Variants in VIRMA observed in about 807,000 individuals in gnomAD.
VIRMA encodes vir like m6A methyltransferase associated.
VIRMA carries 65 observed loss-of-function variants against 182.4 expected under a neutral mutation model. That is an observed-to-expected ratio of 0.36 (90% CI 0.29 to 0.44). The LOEUF is 0.44. VIRMA is among the 20% of genes least tolerant of loss of function. The pLI is 1.00. For synonymous variants in VIRMA, 709 were observed against 743.1 expected (o/e 0.95, Z 0.75); for missense variants, 1,752 against 2,158.1 (o/e 0.81, Z 3.73).
rs530885917 is a variant in VIRMA, at chr8:94,492,885, A to T, written c.4642-67T>A. 102 of 1,235,326 alleles carry T rather than the reference A, an allele frequency of 8.3e-5. No homozygotes were observed. The Admixed American group carries it at 2.2e-3, about 26-fold the overall frequency. 76.5% of individuals were successfully genotyped at this position (1,235,326 alleles called of 1,614,324 possible). ...TTATTAGCATAACATTTGACTACAG[A>T]AATTCTTATTACCTATAAATTATAT... On this transcript the variant is annotated intron_variant, in intron 20 of 23. Coordinates refer to ENST00000297591, the MANE Select transcript of VIRMA (RefSeq NM_015496.5).
In VIRMA at chr8:94,529,358, T is replaced by G; in HGVS notation, c.608-16A>C. ...TCACCAGACACTGAAAAATTGAGAT[T>G]TAAGGCACAGACTATTTTAATGGTT... On this transcript the variant is annotated splice_polypyrimidine_tract_variant and intron_variant, in intron 6 of 23. Coordinates refer to ENST00000297591, the MANE Select transcript of VIRMA (RefSeq NM_015496.5). 1 of 1,454,038 alleles carries G rather than the reference T, an allele frequency of 6.9e-7. No individual in the cohort carries two copies. Among genetic ancestry groups the G allele is most frequent in the Non-Finnish European group, 9.7e-7 (1 of 1,035,894 alleles). The allele number at this position is 1,454,038 out of a possible 1,614,324, so 90.1% of individuals were successfully genotyped here.
At position 94,517,835 on chromosome 8, in the gene VIRMA, G is replaced by T. The variant is rs765664167; in HGVS notation, c.2621C>A (p.Ser874Tyr). 20 of 1,612,434 alleles carry T rather than the reference G, an allele frequency of 1.2e-5. 1 individual carries two copies. In the South Asian group the frequency reaches 2.2e-4, roughly 18 times the overall value. The change falls in exon 10 of 24, where the codon TCT becomes TAT. Residue 874 changes from serine to tyrosine, a missense_variant. Physicochemically the swap from Ser to Tyr is moderately radical, Grantham distance 144. Coordinates refer to ENST00000297591, the MANE Select transcript of VIRMA (RefSeq NM_015496.5). Reference protein sequence around the residue: ...DVQMLEQHAASLLKLCKADEN... With the variant: ...DVQMLEQHAAYLLKLCKADEN... ...ATCTGCTTTACAAAGCTTCAAGAGAGATGCTGCATGTTGTTCTAGCATTTG... is the reference window on the plus strand; with the variant it reads ...ATCTGCTTTACAAAGCTTCAAGAGATATGCTGCATGTTGTTCTAGCATTTG...
intron 7 of VIRMA, among the ~76,000 whole-genome samples, chr8:94,528,350 T>TA (rs10956918): frequency 0.58 from 87,443 of 151,284 alleles, 25,604 homozygotes; most frequent in East Asian, 0.81. Context: ...TGGGGAAAGT[T>TA]AAAAAAAAAT....
intron 16 of VIRMA, among the ~76,000 whole-genome samples, chr8:94,505,683 T>C (rs1476868130): frequency 6.6e-6 from 1 of 151,980 alleles, no homozygotes; most frequent in African/African-American, 2.4e-5. Context: ...TAAGTCTCCC[T>C]ATGTTGCCCA....
chr8:94,496,496 A>T lies in VIRMA; in HGVS notation c.4231-16T>A, dbSNP rs374750145. 6.3e-7 allele frequency: 1 copy of T among 1,597,026 alleles called. No individual in the cohort carries two copies. Among genetic ancestry groups the T allele is most frequent in the Non-Finnish European group, 8.5e-7 (1 of 1,173,134 alleles). On this transcript the variant is annotated splice_polypyrimidine_tract_variant and intron_variant, in intron 17 of 23. Transcript: ENST00000297591. ...CACAGCATCCCTGTAAATGTCACAC[A>T]TAAGTTAAATTTGAGAACAGAGAAA... is the stretch of plus-strand genomic sequence containing the variant.
intron 16 of VIRMA, among the ~76,000 whole-genome samples, chr8:94,504,506 TAG>T (rs1563459840): frequency 6.6e-6 from 1 of 152,184 alleles, no homozygotes; most frequent in Non-Finnish European, 1.5e-5. Flanking sequence ...CAGATCATTA[TAG>T]AGAGTTTGGA....
intron 23 of VIRMA, among the ~76,000 whole-genome samples, 157 bp from the exon 24 acceptor site, chr8:94,489,017 T>C (rs1280468296): frequency 6.6e-6 from 1 of 152,270 alleles, no homozygotes; most frequent in Non-Finnish European, 1.5e-5. Flanking sequence ...TTTTGAATTA[T>C]ACATTTTAAA....
chr8:94,542,911 C>T (rs1037152391), intron 2 of VIRMA, among the ~76,000 whole-genome samples: 1 of 152,016 alleles, frequency 6.6e-6, no homozygotes, highest in African/African-American at 2.4e-5. Context: ...GCTAGTTTAA[C>T]TCTTTTTCTT....
At chr8:94,539,912 G>T (rs1009893392) in intron 2 of VIRMA, among the ~76,000 whole-genome samples, 2 of 152,116 alleles carry the variant, frequency 1.3e-5, no homozygotes, top group African/African-American at 4.8e-5. Context: ...GGGCTCTCTG[G>T]CTCTTGCTTT....
At chr8:94,518,925 C>T (rs1196880381) in intron 9 of VIRMA, 60 bp downstream of exon 9, 8 of 1,411,868 alleles carry the variant, frequency 5.7e-6, no homozygotes, top group South Asian at 1.4e-5. Flanking sequence ...AGAAACTAGA[C>T]CATTAGTTAA....
chr8:94,502,775 A>AATT (rs1814036525), intron 16 of VIRMA, among the ~76,000 whole-genome samples: 1 of 152,036 alleles, frequency 6.6e-6, no homozygotes, highest in Non-Finnish European at 1.5e-5. Context: ...TACTTAAAAA[A>AATT]TTTTTTTTTA....
intron 4 of VIRMA, among the ~76,000 whole-genome samples, chr8:94,535,359 T>C (rs962475554): frequency 2.0e-5 from 3 of 152,158 alleles, no homozygotes; most frequent in African/African-American, 7.2e-5. Context: ...ACAGGGGTCG[T>C]AGAAGGGACC....
intron 4 of VIRMA, among the ~76,000 whole-genome samples, chr8:94,536,046 C>T (rs895954298): frequency 6.6e-6 from 1 of 152,184 alleles, no homozygotes; most frequent in Admixed American, 6.5e-5. Context: ...AAACCAAAGG[C>T]CCTGACTTCT....
chr8:94,495,643 T>C (rs993627013), intron 19 of VIRMA, 88 bp downstream of exon 19: 6 of 1,057,316 alleles, frequency 5.7e-6, no homozygotes, highest in South Asian at 1.6e-5. Flanking sequence ...TCTGGCCCTT[T>C]ATAGAAAAAA....
rs1053356268 is a variant in VIRMA at position 94,488,575 on chromosome 8, C to T, written c.*131G>A. The stretch of plus-strand genomic sequence containing the variant: ...CTTGTTAGGTATCAAACAAATTCTG[C>T]TTTCTTCAGATAAAAATATTCTCTC... On this transcript the variant is annotated 3_prime_UTR_variant, in exon 24 of 24. Transcript: ENST00000297591. 2.5e-6 allele frequency: 2 copies of T among 810,508 alleles called. No homozygotes were observed. The highest frequency in any genetic ancestry group is 3.4e-5 in the African/African-American group (2 of 58,538). 50.2% of individuals were successfully genotyped at this position (810,508 alleles called of 1,614,324 possible).
At chr8:94,527,756 C>A (rs931434817) in intron 7 of VIRMA, among the ~76,000 whole-genome samples, 3 of 151,512 alleles carry the variant, frequency 2.0e-5, no homozygotes, top group Admixed American at 1.3e-4. Flanking sequence ...TTTTTAAGAC[C>A]AAAAAAAACT....
chr8:94,512,781 A>G (rs1563465166), intron 11 of VIRMA, among the ~76,000 whole-genome samples: 1 of 151,964 alleles, frequency 6.6e-6, no homozygotes, highest in Non-Finnish European at 1.5e-5. Flanking sequence ...TGTCTCAAAA[A>G]AAATAAAAAT....
At position 94,535,001 on chromosome 8, in the gene VIRMA, T is replaced by C. The variant is rs1374947933; in HGVS notation, c.322A>G (p.Thr108Ala). 6.4e-7 allele frequency: 1 copy of C among 1,573,978 alleles called. No individual in the cohort carries two copies. The highest frequency in any genetic ancestry group is 1.2e-5 in the South Asian group (1 of 84,592). ...IIFRPNSKVNTDGLVLRGWYN... is the reference protein window; with the variant it reads ...IIFRPNSKVNADGLVLRGWYN... Reference sequence around the variant, plus strand: ...CAGCCTCTTAGCACCAGACCATCAGTATTCACCTGATTTTCAGGGAGGGCA... The same window carrying C: ...CAGCCTCTTAGCACCAGACCATCAGCATTCACCTGATTTTCAGGGAGGGCA... Residue 108 changes from threonine (T) to alanine (A), a missense_variant, in exon 5 of 24, where the codon ACT becomes GCT. Coordinates refer to ENST00000297591, the MANE Select transcript of VIRMA (RefSeq NM_015496.5).
chr8:94,528,647 T>C lies in VIRMA; in HGVS notation c.880+423A>G, dbSNP rs150759331. Among the ~76,000 whole-genome samples the C allele has an allele frequency of 1.3e-5, 2 of 152,368 alleles. 1 individual carries two copies. The highest frequency in any genetic ancestry group is 3.9e-4 in the East Asian group (2 of 5,186). On this transcript the variant is annotated intron_variant, in intron 7 of 23. Coordinates refer to ENST00000297591, the MANE Select transcript of VIRMA (RefSeq NM_015496.5). ...TTCCCTTGAATTTTTAAAAATAATG[T>C]AGCATTTGCTAAAATATCTAGGTGG...
Sources: gnomAD v4.1 joint callset for allele counts (sites outside exome capture counted in the v4.1 genomes callset) on GRCh38, gnomAD v4.1.1 for gene constraint, MANE v1.5 for transcripts, NCBI Gene and HGNC (gene_info 2026-07-23, HGNC 2026-07-21) for gene names.